Variants in DCC observed in about 807,000 individuals in gnomAD.
DCC encodes the protein netrin receptor DCC.
DCC carries 58 observed loss-of-function variants against 172.5 expected under a neutral mutation model. The ratio of observed to expected loss-of-function variants is 0.34; its 90% confidence interval spans 0.27 to 0.42. The LOEUF (loss-of-function observed/expected upper bound fraction) is 0.42, where lower values mean the gene tolerates loss of function less well. Ranked by LOEUF, DCC falls within the 10% of genes least tolerant of loss-of-function variation. The pLI, the probability that DCC is intolerant of heterozygous loss-of-function variation, is 1.00. For missense variants in DCC, 1,740 were observed against 1,791.0 expected, an observed-to-expected ratio of 0.97 and a Z score of 0.51; for synonymous variants, 709 against 644.5, an observed-to-expected ratio of 1.10 and a Z score of -1.52.
chr18:52,929,193 C>T lies in DCC; in HGVS notation c.985+3823C>T, dbSNP rs555319884. 2.0e-4 allele frequency among the ~76,000 whole-genome samples: 30 copies of T among 152,160 alleles called. No homozygotes were observed. The East Asian group carries it at 4.1e-3, about 21-fold the overall frequency. ...CAACCTTAGGTGCTACTTTTAATCC[C>T]GTTTTACAAACGAAGGCATTTTAGC... On this transcript the variant is annotated intron_variant, in intron 5 of 28. Coordinates refer to ENST00000442544, the MANE Select transcript of DCC (RefSeq NM_005215.4).
intron 1 of DCC, among the ~76,000 whole-genome samples, chr18:52,361,733 A>G (rs1174657176): frequency 6.6e-6 from 1 of 152,254 alleles, no homozygotes; most frequent in Non-Finnish European, 1.5e-5. Flanking sequence ...GGTGATGGCT[A>G]TGCAAGTCAA....
At position 52,591,787 on chromosome 18, in the gene DCC, C is replaced by T. The variant is rs182074540; in HGVS notation, c.92-160267C>T. ...TTTGTTTTTCTTTCTTTATTTATTT[C>T]TTTTTTTTTTTTTTTTCGGTAGTAA... On this transcript the variant is annotated intron_variant, in intron 1 of 28. Transcript: ENST00000442544. Among the ~76,000 whole-genome samples the T allele has an allele frequency of 1.5e-3, 185 of 125,090 alleles. 1 individual carries two copies. The highest frequency in any genetic ancestry group is 4.8e-3 in the African/African-American group (166 of 34,424). The allele number at this position is 125,090 out of a possible 152,430, so 82.1% of individuals were successfully genotyped here.
At chr18:53,528,824 G>A (rs578061536) in intron 28 of DCC, among the ~76,000 whole-genome samples, 4 of 151,948 alleles carry the variant, frequency 2.6e-5, no homozygotes, top group African/African-American at 7.2e-5. Context: ...AAACTGGTAC[G>A]TATTTTTTCA....
chr18:52,872,338 T>C (rs1039747230), intron 2 of DCC, among the ~76,000 whole-genome samples: 22 of 151,788 alleles, frequency 1.4e-4, no homozygotes, highest in African/African-American at 4.8e-4. Context: ...CAATGGTGAA[T>C]GTTCCTTTCA....
intron 27 of DCC, among the ~76,000 whole-genome samples, chr18:53,501,593 G>A (rs1486094572): frequency 6.6e-6 from 1 of 151,760 alleles, no homozygotes; most frequent in Non-Finnish European, 1.5e-5. Flanking sequence ...ATAGTAAAGA[G>A]GACCAATTTG....
At chr18:53,389,141 AC>A (rs1222228537) in intron 16 of DCC, among the ~76,000 whole-genome samples, 1 of 152,136 alleles carries the variant, frequency 6.6e-6, no homozygotes, top group Non-Finnish European at 1.5e-5. Context: ...TTACAAAAAC[AC>A]CTGTTAGGAA....
chr18:52,675,434 C>T (rs1386211990), intron 1 of DCC, among the ~76,000 whole-genome samples: 41 of 152,106 alleles, frequency 2.7e-4, no homozygotes, highest in Non-Finnish European at 1.5e-5. Context: ...GGAAGCCCCC[C>T]ACACCAACTT....
At chr18:53,215,342 C>T (rs1424016298) in intron 11 of DCC, among the ~76,000 whole-genome samples, 1 of 146,888 alleles carries the variant, frequency 6.8e-6, no homozygotes, top group Non-Finnish European at 1.5e-5. Context: ...GGTAAGTTAA[C>T]TGGCTAGCGA....
At chr18:53,305,790 C>A in intron 13 of DCC, 71 bp downstream of exon 13, 1 of 1,489,272 alleles carries the variant, frequency 6.7e-7, no homozygotes, top group Non-Finnish European at 9.4e-7. Context: ...AATATAGTCT[C>A]ACTCCAAAGG....
At chr18:52,759,643 C>G (rs531920314) in intron 2 of DCC, among the ~76,000 whole-genome samples, 1 of 152,034 alleles carries the variant, frequency 6.6e-6, no homozygotes, top group Admixed American at 6.6e-5. Context: ...TTTAGAAAAC[C>G]TTTTTGGAAT....
intron 1 of DCC, among the ~76,000 whole-genome samples, chr18:52,423,379 A>C (rs1365808631): frequency 2.0e-5 from 3 of 152,050 alleles, no homozygotes; most frequent in Non-Finnish European, 4.4e-5. Flanking sequence ...GATGGGAAGG[A>C]ATTCTGACTG....
chr18:52,799,950 T>A (rs1365626140), intron 2 of DCC, among the ~76,000 whole-genome samples: 1 of 152,242 alleles, frequency 6.6e-6, no homozygotes, highest in Non-Finnish European at 1.5e-5. Context: ...GACGGGGAAC[T>A]CTGTAAGGGC....
intron 6 of DCC, 118 bp downstream of exon 6, chr18:53,063,577 TA>T: frequency 1.3e-6 from 1 of 784,916 alleles, no homozygotes; most frequent in South Asian, 1.7e-5. Flanking sequence ...TGTGATGTGT[TA>T]AAAAAGTTAT....
intron 15 of DCC, among the ~76,000 whole-genome samples, chr18:53,352,313 G>C (rs1257362287): frequency 6.6e-6 from 1 of 152,126 alleles, no homozygotes; most frequent in Non-Finnish European, 1.5e-5. Flanking sequence ...TTGGAGGAAA[G>C]AGACAGAAAA....
chr18:52,438,802 A>C (rs577952751), intron 1 of DCC, among the ~76,000 whole-genome samples: 1 of 152,270 alleles, frequency 6.6e-6, no homozygotes, highest in East Asian at 1.9e-4. Context: ...ACAATCTACC[A>C]CTAAAATTCC....
At chr18:52,775,971 T>C (rs2037424322) in intron 2 of DCC, among the ~76,000 whole-genome samples, 1 of 152,224 alleles carries the variant, frequency 6.6e-6, no homozygotes, top group African/African-American at 2.4e-5. Flanking sequence ...TGTATCACTG[T>C]CATCAAGATG....
intron 1 of DCC, among the ~76,000 whole-genome samples, chr18:52,741,113 A>G (rs1314395010): frequency 2.0e-5 from 3 of 152,182 alleles, no homozygotes; most frequent in African/African-American, 7.2e-5. Context: ...CTTTTTTCAT[A>G]TAAACTACAT....
At chr18:52,953,027 A>AAAAAAAAAAAAAAT (rs2040682200) in intron 5 of DCC, among the ~76,000 whole-genome samples, 1 of 148,370 alleles carries the variant, frequency 6.7e-6, no homozygotes, top group Non-Finnish European at 1.5e-5. Flanking sequence ...AAAAAAAAAA[A>AAAAAAAAAAAAAAT]ACTCATAACA....
At chr18:53,439,188 A>G (rs1252961390) in intron 22 of DCC, among the ~76,000 whole-genome samples, 1 of 152,214 alleles carries the variant, frequency 6.6e-6, no homozygotes, top group Non-Finnish European at 1.5e-5. Flanking sequence ...AGTATATAAT[A>G]TAACTTTAGC....
Sources: gnomAD v4.1 joint callset for allele counts (sites outside exome capture counted in the v4.1 genomes callset) on GRCh38, gnomAD v4.1.1 for gene constraint, MANE v1.5 for transcripts, NCBI Gene and HGNC (gene_info 2026-07-23, HGNC 2026-07-21) for gene names.